Variants in MAFK observed in about 807,000 individuals in gnomAD.
MAFK encodes MAF bZIP transcription factor K, also known as transcription factor MafK.
In MAFK, 1 loss-of-function variant was observed where a neutral mutation model predicts 9.2. The ratio of observed to expected loss-of-function variants is 0.11; its 90% confidence interval spans 0.04 to 0.52. MAFK has a LOEUF of 0.52. Among genes scored for constraint, MAFK ranks in the 20% least tolerant of loss-of-function variants. The pLI is 0.94. For synonymous variants in MAFK, 110 were observed against 107.4 expected, an observed-to-expected ratio of 1.02 and a Z score of -0.15; for missense variants, 207 against 236.0, an observed-to-expected ratio of 0.88 and a Z score of 0.81.
Position 1,540,626 on chromosome 7 carries a change from T to A in MAFK, c.*251T>A. On this transcript the variant is annotated 3_prime_UTR_variant, in exon 3 of 3. Coordinates refer to ENST00000343242, the MANE Select transcript of MAFK (RefSeq NM_002360.4). ...ACCTGCTCCCCGCAGGATGTGTCTG[T>A]GTGTGGGAATTGGTATCTTGCACCC... 2.0e-6 allele frequency: 1 copy of A among 507,730 alleles called. No homozygotes were observed. Among genetic ancestry groups the A allele is most frequent in the Non-Finnish European group, 3.5e-6 (1 of 287,956 alleles). 31.5% of individuals were successfully genotyped at this position (507,730 alleles called of 1,614,324 possible).
At position 1,540,007 on chromosome 7, in the gene MAFK, C is replaced by T. The variant is rs996795450; in HGVS notation, c.103C>T (p.Arg35Trp). Residue 35 changes from arginine to tryptophan, a missense_variant, in exon 3 of 3, where the codon CGG (arginine) becomes TGG (tryptophan). Arg to Trp is a moderately radical substitution (Grantham distance 101). Transcript: ENST00000343242. ...TGATGAGCTGGTGTCCATGTCGGTGCGGGAGCTGAACCAGCACCTGCGGGG... is the reference window on the plus strand; with the variant it reads ...TGATGAGCTGGTGTCCATGTCGGTGTGGGAGCTGAACCAGCACCTGCGGGG... The part of the protein sequence containing the change: ...SDDELVSMSV[R>W]ELNQHLRGLT... 1 of 1,557,944 alleles carries T rather than the reference C, an allele frequency of 6.4e-7. No individual in the cohort carries two copies. The highest frequency in any genetic ancestry group is 8.7e-7 in the Non-Finnish European group (1 of 1,150,926).
Position 1,540,441 on chromosome 7 carries a change from G to T in MAFK, c.*66G>T, listed in dbSNP as rs999999344. 7.7e-7 allele frequency: 1 copy of T among 1,296,656 alleles called. No individual in the cohort carries two copies. 80.3% of individuals were successfully genotyped at this position (1,296,656 alleles called of 1,614,324 possible). On this transcript the variant is annotated 3_prime_UTR_variant, in exon 3 of 3. Coordinates refer to ENST00000343242, the MANE Select transcript of MAFK (RefSeq NM_002360.4). Reference sequence around the variant, plus strand: ...GCAGGCGGGTGGGGGCACACCCCTCGTACCTGTCACTGGGATGCAGACTCT... The same window carrying T: ...GCAGGCGGGTGGGGGCACACCCCTCTTACCTGTCACTGGGATGCAGACTCT...
intron 1 of MAFK, chr7:1,538,831 G>A: frequency 3.5e-6 from 1 of 287,162 alleles, no homozygotes; most frequent in Middle Eastern, 1.1e-3. Context: ...GCCCAGGTCT[G>A]CAGGGCAGCA....
chr7:1,538,452 G>T, intron 1 of MAFK: 2 of 975,888 alleles, frequency 2.0e-6, no homozygotes, highest in Non-Finnish European at 2.4e-6. Flanking sequence ...AGCGGCCAGG[G>T]CCGTGGTAGG....
chr7:1,540,290 C>T lies in MAFK; in HGVS notation c.386C>T (p.Ser129Phe). The stretch of plus-strand genomic sequence containing the variant: ...GTGGCCCGGGGACCTGTGGCGCCCT[C>T]CAAGGTGGCCACCACCAGCGTCATC... ...RTVARGPVAP[S>F]KVATTSVITI... is the part of the protein sequence containing the mutation. The change falls in exon 3 of 3, where the codon TCC becomes TTC. Residue 129 changes from serine to phenylalanine, a missense_variant. By Grantham distance (155) the Ser-to-Phe change is radical (BLOSUM62 -2). Transcript: ENST00000343242. 2 of 1,611,708 alleles carry T rather than the reference C, an allele frequency of 1.2e-6. No individual in the cohort carries two copies. Among genetic ancestry groups the T allele is most frequent in the Non-Finnish European group, 8.5e-7 (1 of 1,179,322 alleles).
rs1204663837 is a variant in MAFK at position 1,532,446 on chromosome 7, T to G, written c.-45+1548T>G. On this transcript the variant is annotated intron_variant, in intron 1 of 2. Transcript: ENST00000343242. The surrounding 1 kb of genome is among the most constrained non-coding windows in gnomAD (Gnocchi z 4.5). Reference sequence around the variant, plus strand: ...GGGAGTCTGCTTTTAAAACTAGACCTCTCATTATTCCAAAATAAGACATTT... The same window carrying G: ...GGGAGTCTGCTTTTAAAACTAGACCGCTCATTATTCCAAAATAAGACATTT... Among the ~76,000 whole-genome samples the G allele has an allele frequency of 6.6e-6, 1 of 152,178 alleles. No homozygotes were observed. The highest frequency in any genetic ancestry group is 1.5e-5 in the Non-Finnish European group (1 of 68,036).
At position 1,534,518 on chromosome 7, in the gene MAFK, C is replaced by T. The variant is rs1783980316; in HGVS notation, c.-45+3620C>T. ...CGCTTGCTGCTGTGCTGCTGGGTTT[C>T]TGAACCCGTGTCTCTCGCACAGAGC... On this transcript the variant is annotated intron_variant, in intron 1 of 2. Coordinates refer to ENST00000343242, the MANE Select transcript of MAFK (RefSeq NM_002360.4). The surrounding 1 kb of genome is among the most constrained non-coding windows in gnomAD (Gnocchi z 4.3). 2.2e-6 allele frequency: 1 copy of T among 450,466 alleles called. No individual in the cohort carries two copies. The highest frequency in any genetic ancestry group is 2.0e-5 in the African/African-American group (1 of 49,954). The allele number at this position is 450,466 out of a possible 1,614,324, so 27.9% of individuals were successfully genotyped here. A position where few individuals can be genotyped will look rare whatever the true frequency, so the allele number is the denominator to read the frequency against.
intron 1 of MAFK, among the ~76,000 whole-genome samples, chr7:1,533,028 C>G (rs1783939043): frequency 6.6e-6 from 1 of 152,240 alleles, no homozygotes; most frequent in Non-Finnish European, 1.5e-5. Context: ...CATGTTTCCG[C>G]TTTCCTACAG....
chr7:1,535,258 C>G (rs1020825557), intron 1 of MAFK, among the ~76,000 whole-genome samples: 1 of 152,160 alleles, frequency 6.6e-6, no homozygotes, highest in African/African-American at 2.4e-5. Context: ...AAAGCAGGTC[C>G]TTCTCAGCTT....
Position 1,534,096 on chromosome 7 carries a change from G to C in MAFK, c.-45+3198G>C. The C allele has an allele frequency of 5.1e-6, 2 of 388,364 alleles. No homozygotes were observed. Among genetic ancestry groups the C allele is most frequent in the Non-Finnish European group, 1.1e-5 (2 of 188,144 alleles). 24.1% of individuals were successfully genotyped at this position (388,364 alleles called of 1,614,324 possible). A position where few individuals can be genotyped will look rare whatever the true frequency, so the allele number is the denominator to read the frequency against. On this transcript the variant is annotated intron_variant, in intron 1 of 2. Transcript: ENST00000343242. This position sits in a 1 kb window ranked among gnomAD's most constrained non-coding sequence, Gnocchi z 4.3. ...CAAGCCGGGCCGACAGTCATGGCTT[G>C]CTGGAGGGCAGCCAGCCAGGGCCAG...
At chr7:1,538,958 G>A (rs567863932) in intron 1 of MAFK, 191 bp from the exon 2 acceptor site, 8 of 557,924 alleles carry the variant, frequency 1.4e-5, no homozygotes, top group Middle Eastern at 4.7e-4. Flanking sequence ...GACAGAGGCC[G>A]GGCCAGGATG....
chr7:1,533,055 G>C (rs1208210523), intron 1 of MAFK, among the ~76,000 whole-genome samples: 1 of 152,218 alleles, frequency 6.6e-6, no homozygotes, highest in South Asian at 2.1e-4. Flanking sequence ...GAAACTGGGA[G>C]TGTCGTCTTA....
chr7:1,531,196 C>A (rs1449251305), intron 1 of MAFK, among the ~76,000 whole-genome samples: 1 of 149,520 alleles, frequency 6.7e-6, no homozygotes, highest in South Asian at 2.1e-4. Context: ...GACCCCAGAC[C>A]TGGGAGGACG....
Position 1,534,046 on chromosome 7 carries a change from A to C in MAFK, c.-45+3148A>C, listed in dbSNP as rs1472275076. On this transcript the variant is annotated intron_variant, in intron 1 of 2. Coordinates refer to ENST00000343242, the MANE Select transcript of MAFK (RefSeq NM_002360.4). This position sits in a 1 kb window ranked among gnomAD's most constrained non-coding sequence, Gnocchi z 4.3. ...GAATGACACAGCTTCCTCAGACTGC[A>C]AATGCAAGGTGACCAGACGTCCTCC... 1 of 357,568 alleles carries C rather than the reference A, an allele frequency of 2.8e-6. No homozygotes were observed. The highest frequency in any genetic ancestry group is 7.5e-5 in the East Asian group (1 of 13,332). 22.1% of individuals were successfully genotyped at this position (357,568 alleles called of 1,614,324 possible).
intron 1 of MAFK, chr7:1,537,753 C>G (rs3757851): frequency 4.7e-5 from 45 of 952,930 alleles, no homozygotes; most frequent in Non-Finnish European, 5.5e-5. Flanking sequence ...GGGCCCCCAT[C>G]GGAGGCAGGG....
At chr7:1,533,804 T>G (rs967900643) in intron 1 of MAFK, among the ~76,000 whole-genome samples, 5 of 151,870 alleles carry the variant, frequency 3.3e-5, no homozygotes, top group African/African-American at 1.2e-4. Context: ...CTGGGGGGCA[T>G]CTGGGCCCCC....
intron 1 of MAFK, chr7:1,537,269 C>T (rs1475450099): frequency 2.9e-5 from 16 of 549,906 alleles, no homozygotes; most frequent in African/African-American, 8.2e-5. Context: ...GCTGCCACGG[C>T]GGGCAGTGGG....
At position 1,534,590 on chromosome 7, in the gene MAFK, C is replaced by G. The variant is rs1256385993; in HGVS notation, c.-45+3692C>G. The G allele has an allele frequency of 6.6e-6, 3 of 456,374 alleles. No homozygotes were observed. The highest frequency in any genetic ancestry group is 4.7e-5 in the Admixed American group (2 of 42,568). The allele number at this position is 456,374 out of a possible 1,614,324, so 28.3% of individuals were successfully genotyped here. The stretch of plus-strand genomic sequence containing the variant: ...TTCCTCCTGCCCCTCCTCCCTCTCC[C>G]GCATCCCACATCCTCGGAGACCCGC... On this transcript the variant is annotated intron_variant, in intron 1 of 2. Coordinates refer to ENST00000343242, the MANE Select transcript of MAFK (RefSeq NM_002360.4). This position sits in a 1 kb window ranked among gnomAD's most constrained non-coding sequence, Gnocchi z 4.3.
intron 1 of MAFK, chr7:1,537,465 A>C: frequency 1.5e-5 from 15 of 985,504 alleles, no homozygotes; most frequent in Non-Finnish European, 1.8e-5. Context: ...AAAGTTTCTC[A>C]TGGTGCTCCC....
Sources: allele counts gnomAD v4.1 joint callset (sites outside exome capture counted in the v4.1 genomes callset), GRCh38; gene constraint gnomAD v4.1.1; non-coding constraint Gnocchi (gnomAD v3.1); transcripts MANE v1.5; gene names NCBI Gene and HGNC (gene_info 2026-07-23, HGNC 2026-07-21).